The following MSRA variants were observed in gnomAD, a reference collection of about 807,000 sequenced individuals.
MSRA encodes the protein methionine sulfoxide reductase A.
Under a neutral mutation model 31.3 loss-of-function variants are expected in MSRA, and 54 were observed. That is an observed-to-expected ratio of 1.73 (90% CI 1.39 to 2.17). The LOEUF (loss-of-function observed/expected upper bound fraction) is 2.17, where lower values mean the gene tolerates loss of function less well. Ranked by LOEUF, MSRA falls within the 30% of genes most tolerant of loss-of-function variation. MSRA has a pLI of 0.00. For missense variants in MSRA, 507 were observed against 300.9 expected, an observed-to-expected ratio of 1.69 and a Z score of -5.07; for synonymous variants, 169 against 116.5, an observed-to-expected ratio of 1.45 and a Z score of -2.90.
chr8:10,185,690 C>T (rs1266674916), intron 1 of MSRA, among the ~76,000 whole-genome samples: 1 of 152,184 alleles, frequency 6.6e-6, no homozygotes, highest in Non-Finnish European at 1.5e-5. Context: ...TTTTCTGTTT[C>T]AGCTACTGTG....
chr8:10,272,011 T>TAC (rs1799069991), intron 3 of MSRA, among the ~76,000 whole-genome samples: 1 of 152,164 alleles, frequency 6.6e-6, no homozygotes, highest in Admixed American at 6.5e-5. Context: ...CCCGGCCAGG[T>TAC]ACTCTTTTTT....
At chr8:10,256,927 C>T (rs888227638) in intron 3 of MSRA, among the ~76,000 whole-genome samples, 1 of 152,162 alleles carries the variant, frequency 6.6e-6, no homozygotes, top group African/African-American at 2.4e-5. Context: ...AAGAAACTCT[C>T]AGAGGTCTGT....
intron 5 of MSRA, among the ~76,000 whole-genome samples, chr8:10,382,256 A>T (rs1384727335): frequency 6.6e-6 from 1 of 152,178 alleles, no homozygotes; most frequent in Non-Finnish European, 1.5e-5. Context: ...CAGGCCCAGC[A>T]GCCCAGGAGC....
intron 2 of MSRA, among the ~76,000 whole-genome samples, chr8:10,219,559 C>G (rs1353943035): frequency 2.0e-5 from 3 of 151,968 alleles, no homozygotes; most frequent in African/African-American, 7.3e-5. Flanking sequence ...CCTGTAATCC[C>G]AGCACTTTGG....
At chr8:10,145,911 GA>G (rs1014299894) in intron 1 of MSRA, among the ~76,000 whole-genome samples, 1 of 152,104 alleles carries the variant, frequency 6.6e-6, no homozygotes, top group African/African-American at 2.4e-5. Context: ...ATTATTAAGG[GA>G]AAAAAACAAG....
At chr8:10,074,332 T>G (rs538269976) in intron 1 of MSRA, among the ~76,000 whole-genome samples, 1 of 152,120 alleles carries the variant, frequency 6.6e-6, no homozygotes, top group East Asian at 1.9e-4. Context: ...TCTGCCTGCC[T>G]CGGCCTCCCA....
chr8:10,311,715 C>T (rs999428314), intron 4 of MSRA, among the ~76,000 whole-genome samples: 2 of 152,026 alleles, frequency 1.3e-5, no homozygotes, highest in Non-Finnish European at 2.9e-5. Context: ...GAGTTCAGGA[C>T]CAGTCTGGGT....
chr8:10,379,741 C>T (rs989277360), intron 5 of MSRA, among the ~76,000 whole-genome samples: 2 of 152,200 alleles, frequency 1.3e-5, no homozygotes, highest in African/African-American at 4.8e-5. Context: ...TATGGGATGG[C>T]CAGGCCTAGG....
At chr8:10,312,148 A>T (rs1050582137) in intron 4 of MSRA, among the ~76,000 whole-genome samples, 22 of 152,166 alleles carry the variant, frequency 1.4e-4, no homozygotes, top group African/African-American at 5.3e-4. Flanking sequence ...TTCAACCCAA[A>T]CAGTATAAAA....
intron 3 of MSRA, among the ~76,000 whole-genome samples, chr8:10,293,258 C>A (rs1169140754): frequency 3.3e-5 from 5 of 152,170 alleles, no homozygotes; most frequent in Admixed American, 6.5e-5. Flanking sequence ...GCCAGCTAAG[C>A]AGCTCCCATG....
chr8:10,343,898 CAT>C (rs1803602752), intron 5 of MSRA, among the ~76,000 whole-genome samples: 1 of 152,182 alleles, frequency 6.6e-6, no homozygotes, highest in Non-Finnish European at 1.5e-5. Context: ...CCTGTTCAGA[CAT>C]ATGTGGGTAT....
At chr8:10,357,959 G>A (rs926010197) in intron 5 of MSRA, among the ~76,000 whole-genome samples, 5 of 152,104 alleles carry the variant, frequency 3.3e-5, no homozygotes, top group African/African-American at 1.2e-4. Context: ...TTTTACTCTT[G>A]TTGTCCAGGC....
chr8:10,096,427 T>C (rs1351040780), intron 1 of MSRA: 1 of 346,996 alleles, frequency 2.9e-6, no homozygotes, highest in East Asian at 1.6e-4. Flanking sequence ...GAATTCTCAT[T>C]GTGAGAAGGA....
intron 5 of MSRA, among the ~76,000 whole-genome samples, chr8:10,417,408 C>T (rs1041476308): frequency 1.1e-5 from 1 of 87,132 alleles, no homozygotes; most frequent in Non-Finnish European, 2.6e-5. Context: ...GCACTCATCC[C>T]TTCGTCAGAA....
Position 10,054,620 on chromosome 8 carries a change from A to G in MSRA, c.104A>G (p.Glu35Gly). Residue 35 changes from glutamate (E) to glycine (G), a missense_variant, in exon 1 of 6, where the codon GAG becomes GGG. Coordinates refer to ENST00000317173, the MANE Select transcript of MSRA (RefSeq NM_012331.5). The part of the protein sequence containing the change: ...NSASNIVSPQ[E>G]ALPGRKEQTP... ...GCCTCGAACATCGTCAGCCCCCAGG[A>G]GGCCTTGCCGGGCCGGAAGGAACAG... 3 of 1,577,560 alleles carry G rather than the reference A, an allele frequency of 1.9e-6. No homozygotes were observed. The highest frequency in any genetic ancestry group is 2.6e-6 in the Non-Finnish European group (3 of 1,162,546).
At chr8:10,186,759 G>C (rs146402004) in intron 1 of MSRA, among the ~76,000 whole-genome samples, 10 of 152,340 alleles carry the variant, frequency 6.6e-5, no homozygotes, top group African/African-American at 2.2e-4. Flanking sequence ...ACACCAAGCA[G>C]ATAGCTGCCT....
chr8:10,407,124 G>A (rs1807867022), intron 5 of MSRA, among the ~76,000 whole-genome samples: 2 of 152,206 alleles, frequency 1.3e-5, no homozygotes, highest in South Asian at 2.1e-4. Flanking sequence ...TGATCTTCCC[G>A]CCTCGGCCTT....
chr8:10,257,164 C>G (rs1000531472), intron 3 of MSRA, among the ~76,000 whole-genome samples: 4 of 152,058 alleles, frequency 2.6e-5, no homozygotes, highest in African/African-American at 9.7e-5. Context: ...CCATTTCCAT[C>G]AGGGGTGGCC....
intron 1 of MSRA, among the ~76,000 whole-genome samples, chr8:10,062,194 G>A (rs371005217): frequency 2.6e-5 from 4 of 152,154 alleles, no homozygotes; most frequent in Admixed American, 6.5e-5. Flanking sequence ...TCAATCATCC[G>A]TTCCTCCTTG....
Sources: gnomAD v4.1 joint callset for allele counts (sites outside exome capture counted in the v4.1 genomes callset) on GRCh38, gnomAD v4.1.1 for gene constraint, MANE v1.5 for transcripts, NCBI Gene and HGNC (gene_info 2026-07-23, HGNC 2026-07-21) for gene names.